ERCC4: variants seen among roughly 807,000 people sequenced by gnomAD.
ERCC4 encodes ERCC excision repair 4, endonuclease catalytic subunit, also known as DNA repair endonuclease XPF.
ERCC4 carries 65 observed loss-of-function variants against 76.9 expected under a neutral mutation model. That is an observed-to-expected ratio of 0.84 (90% CI 0.69 to 1.04). ERCC4 has a LOEUF of 1.04. Ranked by LOEUF, ERCC4 falls within the 50% of genes least tolerant of loss-of-function variation. The pLI, the probability that ERCC4 is intolerant of heterozygous loss-of-function variation, is 0.00. For missense variants in ERCC4, 1,214 were observed against 1,128.2 expected (o/e 1.08, Z -1.09); for synonymous variants, 463 against 410.1 (o/e 1.13, Z -1.56).
chr16:13,922,301 G>GT lies in ERCC4; in HGVS notation c.388+91dup, dbSNP rs140822771. On this transcript the variant is annotated intron_variant, in intron 2 of 10. Coordinates refer to ENST00000311895, the MANE Select transcript of ERCC4 (RefSeq NM_005236.3). ...CCATTTTATTTTTCTCCAGAGAATA[G>GT]TCTGTCTTCAGTCTTGAAGGACTCA... is the stretch of plus-strand genomic sequence containing the variant. 1,519 of 959,474 alleles carry GT rather than the reference G, an allele frequency of 1.6e-3. 13 individuals are homozygous for GT. The African/African-American group carries it at 0.023, about 14-fold the overall frequency. 59.4% of individuals were successfully genotyped at this position (959,474 alleles called of 1,614,324 possible). A position where few individuals can be genotyped will look rare whatever the true frequency, so the allele number is the denominator to read the frequency against.
Position 13,920,308 on chromosome 16 carries a change from T to A in ERCC4, c.143T>A (p.Phe48Tyr), listed in dbSNP as rs779538282. 3.7e-6 allele frequency: 6 copies of A among 1,602,756 alleles called. No homozygotes were observed. In the African/African-American group the frequency reaches 8.0e-5, roughly 21 times the overall value. ...GLGADRLLYH[F>Y]LQLHCHPACL... ...GGCGCGGACCGGCTCCTCTACCACT[T>A]TCTCCAGCTGCACTGCCACCCAGCC... Residue 48 changes from phenylalanine to tyrosine, a missense_variant, in exon 1 of 11, where the codon TTT becomes TAT. By Grantham distance (22) the Phe-to-Tyr change is conservative. Coordinates refer to ENST00000311895, the MANE Select transcript of ERCC4 (RefSeq NM_005236.3).
At chr16:13,930,665 A>G (rs778390317) in intron 4 of ERCC4, 45 bp from the exon 5 acceptor site, 12 of 1,329,078 alleles carry the variant, frequency 9.0e-6, no homozygotes, top group East Asian at 4.6e-5. Context: ...AAGAATAACT[A>G]TACTTAACAT....
rs751782722 is a variant in ERCC4 at position 13,935,719 on chromosome 16, C to T, written c.1787C>T (p.Ala596Val). 1 of 1,613,744 alleles carries T rather than the reference C, an allele frequency of 6.2e-7. No homozygotes were observed. Among genetic ancestry groups the T allele is most frequent in the South Asian group, 1.1e-5 (1 of 91,066 alleles). The stretch of plus-strand genomic sequence containing the variant: ...GTTCGGCAGCTTGAAATTTACAGGG[C>T]GAGTAGGCCTGGGAAACCTCTGAGG... ...TFVRQLEIYR[A>V]SRPGKPLRVY... The change falls in exon 8 of 11, where the codon GCG (alanine) becomes GTG (valine). Residue 596 changes from alanine (A) to valine (V), a missense_variant. Ala to Val is a moderately conservative substitution (Grantham distance 64, BLOSUM62 0). Transcript: ENST00000311895.
Position 13,926,379 on chromosome 16 carries a change from G to A in ERCC4, c.389-182G>A, listed in dbSNP as rs536270777. Among the ~76,000 whole-genome samples, 9 of 151,574 alleles carry A rather than the reference G, an allele frequency of 5.9e-5. No individual in the cohort carries two copies. The South Asian group carries it at 1.7e-3, about 28-fold the overall frequency. On this transcript the variant is annotated intron_variant, in intron 2 of 10. Transcript: ENST00000311895. ...ACTTGTAGCATCCTAAATATTTTAC[G>A]TATTTATATTGTTTATAGTCAATTC...
At position 13,935,342 on chromosome 16, in the gene ERCC4, A is replaced by G. The variant is rs2032263596; in HGVS notation, c.1410A>G (p.Lys470=). The change falls in exon 8 of 11, where the codon AAA becomes AAG. Residue 470 remains lysine (K), a synonymous_variant. Transcript: ENST00000311895. ...TTAGGAAATCTCACAAAAGACCTAA[A>G]GACCCCCAAAACAAAGAACGGGCTT... The part of the protein sequence containing the change: ...KRIRKSHKRP[K]DPQNKERAST... 6.2e-7 allele frequency: 1 copy of G among 1,612,158 alleles called. No homozygotes were observed. Among genetic ancestry groups the G allele is most frequent in the Non-Finnish European group, 8.5e-7 (1 of 1,179,538 alleles).
At chr16:13,945,092 A>G (rs943258748) in intron 10 of ERCC4, among the ~76,000 whole-genome samples, 19 of 152,242 alleles carry the variant, frequency 1.2e-4, no homozygotes, top group African/African-American at 4.3e-4. Context: ...AGAATGGGTT[A>G]TGTTCCAGCA....
intron 6 of ERCC4, 145 bp downstream of exon 6, chr16:13,932,430 T>C (rs941709684): frequency 2.8e-6 from 2 of 714,394 alleles, no homozygotes; most frequent in East Asian, 2.6e-5. Flanking sequence ...ATATGTAACA[T>C]GTAATGTATG....
intron 9 of ERCC4, among the ~76,000 whole-genome samples, chr16:13,938,451 T>C (rs2032349094): frequency 6.6e-6 from 1 of 152,214 alleles, no homozygotes; most frequent in South Asian, 2.1e-4. Flanking sequence ...AATGGTGAGA[T>C]GTTCACAAAC....
chr16:13,942,477 C>T (rs3136194), intron 9 of ERCC4, among the ~76,000 whole-genome samples: 6,952 of 152,212 alleles, frequency 0.046, 206 homozygotes, highest in Middle Eastern at 0.078. Flanking sequence ...GAGATTACCA[C>T]GTTATAAGAA....
chr16:13,923,022 GA>G (rs2141941000), intron 2 of ERCC4, among the ~76,000 whole-genome samples: 1 of 122,268 alleles, frequency 8.2e-6, no homozygotes, highest in South Asian at 2.3e-4. Context: ...TCCTCCTTAA[GA>G]TTTTTTTGGC....
chr16:13,922,227 C>A lies in ERCC4; in HGVS notation c.388+16C>A, dbSNP rs918305286. Reference sequence around the variant, plus strand: ...TTAATTACTGGTAAGAATTTGAAATCTTATTATTAGTATGTAAATTTGTAC... The same window carrying A: ...TTAATTACTGGTAAGAATTTGAAATATTATTATTAGTATGTAAATTTGTAC... On this transcript the variant is annotated intron_variant, in intron 2 of 10. Transcript: ENST00000311895. The A allele has an allele frequency of 6.6e-7, 1 of 1,508,688 alleles. No homozygotes were observed. Among genetic ancestry groups the A allele is most frequent in the Non-Finnish European group, 9.2e-7 (1 of 1,090,510 alleles). The allele number at this position is 1,508,688 out of a possible 1,614,324, so 93.5% of individuals were successfully genotyped here. A position where few individuals can be genotyped will look rare whatever the true frequency, so the allele number is the denominator to read the frequency against.
chr16:13,933,899 C>A, intron 6 of ERCC4: 1 of 312,698 alleles, frequency 3.2e-6, no homozygotes, highest in South Asian at 4.1e-5. Flanking sequence ...TGTATAGCTG[C>A]TTATATATAG....
Position 13,952,021 on chromosome 16 carries a change from A to C in ERCC4, c.*3674A>C, listed in dbSNP as rs1242457734. 9.9e-6 allele frequency: 2 copies of C among 202,614 alleles called. No homozygotes were observed. The highest frequency in any genetic ancestry group is 2.0e-5 in the Non-Finnish European group (2 of 98,796). The allele number at this position is 202,614 out of a possible 1,614,324, so 12.6% of individuals were successfully genotyped here. On this transcript the variant is annotated 3_prime_UTR_variant, in exon 11 of 11. Transcript: ENST00000311895. ...TTCTGGTTCAGTTCTGAACTTCAGC[A>C]CTTAATCATCCTTATCAACCAGGCT...
Position 13,920,190 on chromosome 16 carries a change from C to G in ERCC4, c.25C>G (p.Arg9Gly). 1 of 1,606,524 alleles carries G rather than the reference C, an allele frequency of 6.2e-7. No individual in the cohort carries two copies. The highest frequency in any genetic ancestry group is 1.3e-5 in the African/African-American group (1 of 75,062). MESGQPAR[R>G]IAMAPLLEYE... The stretch of plus-strand genomic sequence containing the variant: ...CATGGAGTCAGGGCAGCCGGCTCGA[C>G]GGATTGCCATGGCGCCGCTGCTGGA... The change falls in exon 1 of 11, where the codon CGG becomes GGG. Residue 9 changes from arginine (R) to glycine (G), a missense_variant. Coordinates refer to ENST00000311895, the MANE Select transcript of ERCC4 (RefSeq NM_005236.3).
chr16:13,935,884 G>C, intron 8 of ERCC4, 141 bp downstream of exon 8: 1 of 751,580 alleles, frequency 1.3e-6, no homozygotes, highest in Non-Finnish European at 2.3e-6. Flanking sequence ...GCTTCCTGAT[G>C]AATCTGGGAA....
rs2141607642 is a variant in ERCC4 at position 13,935,491 on chromosome 16, G to A, written c.1559G>A (p.Ser520Asn). The A allele has an allele frequency of 6.2e-7, 1 of 1,614,206 alleles. No individual in the cohort carries two copies. The highest frequency in any genetic ancestry group is 1.1e-5 in the South Asian group (1 of 91,086). Residue 520 changes from serine (S) to asparagine (N), a missense_variant, in exon 8 of 11, where the codon AGT becomes AAT. Transcript: ENST00000311895. Reference protein sequence around the residue: ...VEEGYRREISSSPESCPEEIK... With the variant: ...VEEGYRREISNSPESCPEEIK... ...GAAGGATATCGTCGAGAAATAAGCAGTAGCCCAGAAAGCTGCCCGGAAGAA... is the reference window on the plus strand; with the variant it reads ...GAAGGATATCGTCGAGAAATAAGCAATAGCCCAGAAAGCTGCCCGGAAGAA...
At position 13,920,289 on chromosome 16, in the gene ERCC4, G is replaced by C; in HGVS notation, c.124G>C (p.Asp42His). ...AGTGTGCGCCCGCGGGCTCGGCGCG[G>C]ACCGGCTCCTCTACCACTTTCTCCA... is the stretch of plus-strand genomic sequence containing the variant. ...LVVCARGLGA[D>H]RLLYHFLQLH... Residue 42 changes from aspartate (D) to histidine (H), a missense_variant, in exon 1 of 11, where the codon GAC becomes CAC. Physicochemically the swap from Asp to His is moderately conservative, Grantham distance 81. Transcript: ENST00000311895. The C allele has an allele frequency of 6.2e-7, 1 of 1,604,884 alleles. No homozygotes were observed. The highest frequency in any genetic ancestry group is 8.5e-7 in the Non-Finnish European group (1 of 1,179,806).
intron 10 of ERCC4, 63 bp downstream of exon 10, chr16:13,944,898 T>TTA (rs1244610245): frequency 9.3e-7 from 1 of 1,080,516 alleles, no homozygotes; most frequent in African/African-American, 1.6e-5. Context: ...AGTTCCAGAG[T>TTA]TACTCTGCCA....
chr16:13,947,642 A>G lies in ERCC4; in HGVS notation c.2046A>G (p.Gln682=), dbSNP rs565249189. The change falls in exon 11 of 11, where the codon CAA becomes CAG. Residue 682 remains glutamine, a synonymous_variant. Coordinates refer to ENST00000311895, the MANE Select transcript of ERCC4 (RefSeq NM_005236.3). ...GCCAGGAACAGAATGGTACACAGCA[A>G]AGCATAGTTGTGGATATGCGTGAAT... The part of the protein sequence containing the change: ...AGGQEQNGTQ[Q]SIVVDMREFR... The G allele has an allele frequency of 2.3e-5, 37 of 1,614,194 alleles. 1 individual carries two copies. In the East Asian group the frequency reaches 8.2e-4, roughly 36 times the overall value.
Sources: allele counts gnomAD v4.1 joint callset (sites outside exome capture counted in the v4.1 genomes callset), GRCh38; gene constraint gnomAD v4.1.1; transcripts MANE v1.5; gene names NCBI Gene and HGNC (gene_info 2026-07-23, HGNC 2026-07-21).